The following RBMS3 variants were observed in gnomAD, a reference collection of about 807,000 sequenced individuals.
RBMS3 encodes RNA binding motif single stranded interacting protein 3.
RBMS3 carries 27 observed loss-of-function variants against 66.8 expected under a neutral mutation model. The observed-to-expected ratio is 0.40, with a 90% CI of 0.30 to 0.56. The LOEUF is 0.56. RBMS3 is among the 20% of genes least tolerant of loss of function. The pLI, the probability that RBMS3 is intolerant of heterozygous loss-of-function variation, is 0.40. For synonymous variants in RBMS3, 188 were observed against 183.0 expected (o/e 1.03, Z -0.22); for missense variants, 513 against 549.5 (o/e 0.93, Z 0.66).
intron 1 of RBMS3, among the ~76,000 whole-genome samples, chr3:29,304,371 A>C (rs1307543789): frequency 1.3e-5 from 2 of 151,928 alleles, no homozygotes; most frequent in Non-Finnish European, 2.9e-5. Context: ...ATGAGTGGTA[A>C]AACTCTGAGC....
chr3:29,866,676 G>A (rs1015444928), intron 6 of RBMS3, among the ~76,000 whole-genome samples: 1 of 152,182 alleles, frequency 6.6e-6, no homozygotes, highest in Admixed American at 6.5e-5. Flanking sequence ...TGCAATGATT[G>A]CATTTAGCAT....
Position 29,944,248 on chromosome 3 carries a change from G to T in RBMS3, c.1092G>T (p.Leu364Phe), listed in dbSNP as rs763000658. ...QDRIMILHQLLCQYMTAAAPM... is the reference protein window; with the variant it reads ...QDRIMILHQLFCQYMTAAAPM... The stretch of plus-strand genomic sequence containing the variant: ...GGATTATGATACTCCACCAGCTGTT[G>T]TGTCAGGTAGGAAAATTCTAATTCT... Residue 364 changes from leucine (L) to phenylalanine (F), a missense_variant, in exon 12 of 15, where the codon TTG becomes TTT. By Grantham distance (22) the Leu-to-Phe change is conservative. Transcript: ENST00000383767. The T allele has an allele frequency of 6.3e-7, 1 of 1,588,924 alleles. No individual in the cohort carries two copies. The highest frequency in any genetic ancestry group is 1.7e-5 in the Admixed American group (1 of 59,722).
At chr3:29,286,987 T>C (rs1043006632) in intron 1 of RBMS3, among the ~76,000 whole-genome samples, 13 of 152,122 alleles carry the variant, frequency 8.5e-5, no homozygotes, top group Non-Finnish European at 1.3e-4. Flanking sequence ...TTAAATAGTG[T>C]AATATCAAAA....
intron 1 of RBMS3, among the ~76,000 whole-genome samples, chr3:29,300,781 A>G (rs1408014439): frequency 6.6e-6 from 1 of 152,000 alleles, no homozygotes; most frequent in Non-Finnish European, 1.5e-5. Context: ...GAAACCAAGC[A>G]AAGAAGTAAG....
chr3:29,454,462 G>C (rs1167381459), intron 2 of RBMS3, among the ~76,000 whole-genome samples: 1 of 152,146 alleles, frequency 6.6e-6, no homozygotes, highest in Non-Finnish European at 1.5e-5. Flanking sequence ...AGGGAAAGTT[G>C]AAGTATACTA....
At chr3:29,660,964 T>A (rs1286496561) in intron 4 of RBMS3, among the ~76,000 whole-genome samples, 1 of 152,208 alleles carries the variant, frequency 6.6e-6, no homozygotes, top group Non-Finnish European at 1.5e-5. Context: ...GAAGCAATAA[T>A]CAGCAATCAG....
chr3:29,800,513 A>T (rs942819907), intron 6 of RBMS3, among the ~76,000 whole-genome samples: 1 of 152,230 alleles, frequency 6.6e-6, no homozygotes, highest in Non-Finnish European at 1.5e-5. Context: ...AAAATATTTG[A>T]CAATTGTCAC....
At chr3:29,937,400 G>T (rs541721552) in intron 11 of RBMS3, among the ~76,000 whole-genome samples, 1 of 152,030 alleles carries the variant, frequency 6.6e-6, no homozygotes, top group East Asian at 1.9e-4. Context: ...TATAGCAATG[G>T]CTTGCTTGCC....
chr3:29,817,782 G>C (rs2057954530), intron 6 of RBMS3, among the ~76,000 whole-genome samples: 1 of 151,708 alleles, frequency 6.6e-6, no homozygotes, highest in Non-Finnish European at 1.5e-5. Context: ...TAAACCATTT[G>C]AAATAATTTT....
chr3:29,457,964 A>T (rs1250804313), intron 2 of RBMS3, among the ~76,000 whole-genome samples: 1 of 144,894 alleles, frequency 6.9e-6, no homozygotes, highest in Non-Finnish European at 1.5e-5. Context: ...CTCCTATCTA[A>T]GTAACTTCCA....
chr3:29,518,807 G>A (rs1372937317), intron 3 of RBMS3, among the ~76,000 whole-genome samples: 2 of 152,104 alleles, frequency 1.3e-5, no homozygotes, highest in Non-Finnish European at 2.9e-5. Flanking sequence ...AACTAGCAAA[G>A]TATCCACTTC....
intron 10 of RBMS3, among the ~76,000 whole-genome samples, chr3:29,906,998 A>G (rs971303474): frequency 4.6e-5 from 7 of 152,146 alleles, no homozygotes; most frequent in African/African-American, 1.2e-4. Context: ...AATTTTCCCA[A>G]TTGAGCAAAA....
chr3:29,799,739 A>G (rs554040873), intron 6 of RBMS3, among the ~76,000 whole-genome samples: 121 of 152,308 alleles, frequency 7.9e-4, no homozygotes, highest in African/African-American at 2.8e-3. Flanking sequence ...ATGTACATTG[A>G]TGAAAACAAA....
At chr3:29,440,632 C>T (rs2041583755) in intron 2 of RBMS3, among the ~76,000 whole-genome samples, 1 of 152,108 alleles carries the variant, frequency 6.6e-6, no homozygotes, top group African/African-American at 2.4e-5. Context: ...GGGGAAACAC[C>T]CACAATGAAA....
At chr3:29,820,335 T>C (rs1037184951) in intron 6 of RBMS3, among the ~76,000 whole-genome samples, 4 of 151,426 alleles carry the variant, frequency 2.6e-5, no homozygotes, top group Non-Finnish European at 5.9e-5. Context: ...AAGGTGACAA[T>C]TGAATCCTTT....
intron 10 of RBMS3, chr3:29,926,928 T>C (rs1044649819): frequency 6.6e-6 from 1 of 152,192 alleles, no homozygotes; most frequent in Non-Finnish European, 1.5e-5. Context: ...ACTAAAACAG[T>C]TCATGGCATA....
intron 10 of RBMS3, among the ~76,000 whole-genome samples, chr3:29,934,931 G>A (rs1169421148): frequency 6.6e-6 from 1 of 152,050 alleles, no homozygotes; most frequent in Non-Finnish European, 1.5e-5. Flanking sequence ...CGCGCAGTGG[G>A]TAATTAGTTT....
intron 6 of RBMS3, chr3:29,766,087 C>T (rs1476828500): frequency 6.6e-6 from 1 of 151,964 alleles, no homozygotes; most frequent in Non-Finnish European, 1.5e-5. Context: ...AACTATGTTG[C>T]CTACATTTAA....
intron 1 of RBMS3, among the ~76,000 whole-genome samples, chr3:29,403,814 A>G (rs1250004815): frequency 6.6e-6 from 1 of 152,128 alleles, no homozygotes; most frequent in Non-Finnish European, 1.5e-5. Context: ...GAAAATAATA[A>G]AGGAGCCAAC....
Sources: gnomAD v4.1 joint callset for allele counts (sites outside exome capture counted in the v4.1 genomes callset) on GRCh38, gnomAD v4.1.1 for gene constraint, MANE v1.5 for transcripts, NCBI Gene and HGNC (gene_info 2026-07-23, HGNC 2026-07-21) for gene names.